RIPOR2: variants seen among roughly 807,000 people sequenced by gnomAD.
RIPOR2 encodes the protein RHO family interacting cell polarization regulator 2.
RIPOR2 carries 39 observed loss-of-function variants against 114.5 expected under a neutral mutation model. The ratio of observed to expected loss-of-function variants is 0.34; its 90% CI spans 0.26 to 0.44. RIPOR2 has a LOEUF of 0.44. Among genes scored for constraint, RIPOR2 ranks in the 20% least tolerant of loss-of-function variants. The pLI is 1.00. For synonymous variants in RIPOR2, 445 were observed against 484.4 expected, an observed-to-expected ratio of 0.92 and a Z score of 1.07; for missense variants, 1,007 against 1,255.1, an observed-to-expected ratio of 0.80 and a Z score of 2.99.
At chr6:25,023,500 A>G (rs1426965961) in intron 1 of RIPOR2, 1 of 770,260 alleles carries the variant, frequency 1.3e-6, no homozygotes, top group African/African-American at 1.7e-5. Flanking sequence ...GGACAAATTC[A>G]CACTCAGGGC....
intron 15 of RIPOR2, 137 bp from the exon 16 acceptor site, chr6:24,832,528 T>A (rs1463780343): frequency 2.7e-6 from 2 of 746,068 alleles, no homozygotes; most frequent in Non-Finnish European, 4.3e-6. Flanking sequence ...TCGATAATGA[T>A]CCTCATTCCA....
intron 1 of RIPOR2, among the ~76,000 whole-genome samples, chr6:24,948,506 A>G (rs1481870007): frequency 6.6e-6 from 1 of 151,098 alleles, no homozygotes; most frequent in Admixed American, 6.6e-5. Flanking sequence ...TTAGTTATTA[A>G]TCACTCTGCT....
intron 1 of RIPOR2, among the ~76,000 whole-genome samples, chr6:24,952,857 C>T (rs618383): frequency 0.92 from 140,690 of 152,110 alleles, 65,498 homozygotes; most frequent in East Asian, 0.99. Flanking sequence ...ATAACATACA[C>T]ATGTAAATAA....
At chr6:24,940,377 C>G (rs992745451), upstream of RIPOR2, among the ~76,000 whole-genome samples, 1 of 152,046 alleles carries the variant, frequency 6.6e-6, no homozygotes, top group Non-Finnish European at 1.5e-5. Context: ...TTTTAAAATA[C>G]TTAATTTTCA....
At chr6:24,827,241 G>A (rs954965560) in intron 18 of RIPOR2, among the ~76,000 whole-genome samples, 4 of 152,096 alleles carry the variant, frequency 2.6e-5, no homozygotes, top group Non-Finnish European at 4.4e-5. Flanking sequence ...CCTTGTAAGG[G>A]GTTATGCACA....
At chr6:25,027,703 G>A (rs1020580750) in intron 1 of RIPOR2, among the ~76,000 whole-genome samples, 1 of 152,188 alleles carries the variant, frequency 6.6e-6, no homozygotes, top group Non-Finnish European at 1.5e-5. Context: ...ATCCCTGAGC[G>A]ACTTAGGTGC....
chr6:24,875,866 G>A (rs759489085), intron 1 of RIPOR2, 49 bp from the exon 2 acceptor site: 6 of 1,532,416 alleles, frequency 3.9e-6, no homozygotes, highest in Non-Finnish European at 5.3e-6. Flanking sequence ...GGTTCAGACA[G>A]AAGATGCACT....
chr6:24,968,373 G>C (rs931851154), intron 1 of RIPOR2, among the ~76,000 whole-genome samples: 1 of 152,132 alleles, frequency 6.6e-6, no homozygotes, highest in African/African-American at 2.4e-5. Flanking sequence ...AAGCACCTTT[G>C]GGGTATTTTC....
chr6:24,949,076 CT>C (rs10715518), intron 1 of RIPOR2, among the ~76,000 whole-genome samples: 81,432 of 151,460 alleles, frequency 0.54, 22,442 homozygotes, highest in Middle Eastern at 0.61. Flanking sequence ...CAAATAGTAT[CT>C]TTTTTTTTCC....
At position 25,003,426 on chromosome 6, in the gene RIPOR2, C is replaced by T. The variant is rs554913859; in HGVS notation, c.76+38425G>A. On this transcript the variant is annotated intron_variant, in intron 1 of 13. Transcript: ENST00000510784. ...TTATTATTATTATTATTATTATTATCATCTCCTTTTTCTTCTTTTCGAGAC... is the reference window on the plus strand; with the variant it reads ...TTATTATTATTATTATTATTATTATTATCTCCTTTTTCTTCTTTTCGAGAC... Among the ~76,000 whole-genome samples, 200 of 141,796 alleles carry T rather than the reference C, an allele frequency of 1.4e-3. 1 individual carries two copies. The highest frequency in any genetic ancestry group is 5.3e-3 in the African/African-American group (199 of 37,290). 93.0% of individuals were successfully genotyped at this position (141,796 alleles called of 152,430 possible).
chr6:24,825,334 T>A lies in RIPOR2; in HGVS notation c.2760A>T (p.Glu920Asp). ...LAPSNLLAQQ[E>D]VLRTLALLLT... ...ATAGCAGAGCCAGAGTCCTGAGTAC[T>A]TCCTGCTGGGCCAGGAGGTTGCTGG... is the stretch of plus-strand genomic sequence containing the variant. Residue 920 changes from glutamate to aspartate, a missense_variant, in exon 19 of 22, where the codon GAA (glutamate) becomes GAT (aspartate). Transcript: ENST00000643898. 1 of 1,551,758 alleles carries A rather than the reference T, an allele frequency of 6.4e-7. No homozygotes were observed. Among genetic ancestry groups the A allele is most frequent in the Non-Finnish European group, 8.7e-7 (1 of 1,146,796 alleles).
chr6:25,020,981 C>A (rs1776293075), intron 1 of RIPOR2, among the ~76,000 whole-genome samples: 1 of 152,052 alleles, frequency 6.6e-6, no homozygotes, highest in African/African-American at 2.4e-5. Flanking sequence ...CTCAGCCTCC[C>A]AAGTAGCTGG....
At chr6:24,898,700 C>T (rs1768118398) in intron 1 of RIPOR2, 2 of 152,172 alleles carry the variant, frequency 1.3e-5, no homozygotes, top group Admixed American at 1.3e-4. Flanking sequence ...TTTTACAATT[C>T]ATCACTAAGG....
chr6:25,033,640 G>A (rs965567163), intron 1 of RIPOR2, among the ~76,000 whole-genome samples: 1 of 152,092 alleles, frequency 6.6e-6, no homozygotes, highest in African/African-American at 2.4e-5. Context: ...TAATTCCAGG[G>A]CAACAAATAG....
intron 1 of RIPOR2, among the ~76,000 whole-genome samples, chr6:25,002,507 C>A (rs1211349556): frequency 2.0e-5 from 3 of 152,182 alleles, no homozygotes; most frequent in Admixed American, 6.5e-5. Flanking sequence ...ATTCAGTGAA[C>A]GCTCAAGAAG....
At chr6:24,929,258 A>G (rs143054738) in intron 1 of RIPOR2, 316 of 152,166 alleles carry the variant, frequency 2.1e-3, no homozygotes, top group African/African-American at 7.0e-3. Flanking sequence ...ACACAGCACA[A>G]AGTAAAGATG....
At chr6:24,826,901 A>AAT (rs1554202380) in intron 18 of RIPOR2, among the ~76,000 whole-genome samples, 1 of 149,166 alleles carries the variant, frequency 6.7e-6, no homozygotes, top group Non-Finnish European at 1.5e-5. Flanking sequence ...CTCTGTTTAC[A>AAT]TTTTTTTTTT....
chr6:24,842,517 C>A (rs568942380), intron 13 of RIPOR2, among the ~76,000 whole-genome samples: 1 of 152,154 alleles, frequency 6.6e-6, no homozygotes, highest in Non-Finnish European at 1.5e-5. Context: ...TTTCCCGACC[C>A]CCTGAGAGGG....
intron 1 of RIPOR2, among the ~76,000 whole-genome samples, chr6:24,882,717 T>A (rs545024576): frequency 6.6e-6 from 1 of 152,222 alleles, no homozygotes; most frequent in East Asian, 1.9e-4. Flanking sequence ...ATATAAAGCA[T>A]AATAATTTGA....
Sources: gnomAD v4.1 joint callset for allele counts (sites outside exome capture counted in the v4.1 genomes callset) on GRCh38, gnomAD v4.1.1 for gene constraint, MANE v1.5 for transcripts, NCBI Gene and HGNC (gene_info 2026-07-23, HGNC 2026-07-21) for gene names.